The following ERAP1 variants were observed in gnomAD, a reference collection of about 807,000 sequenced individuals.
The protein encoded by ERAP1 is endoplasmic reticulum aminopeptidase 1.
In ERAP1, 86 loss-of-function variants were observed where a neutral mutation model predicts 103.7. The ratio of observed to expected loss-of-function variants is 0.83; its 90% CI spans 0.70 to 0.99. The LOEUF (loss-of-function observed/expected upper bound fraction) is 0.99, where lower values mean the gene tolerates loss of function less well. ERAP1 is among the 50% of genes least tolerant of loss of function. The pLI, the probability that ERAP1 is intolerant of heterozygous loss-of-function variation, is 0.00. For synonymous variants in ERAP1, 398 were observed against 402.4 expected (o/e 0.99, Z 0.13); for missense variants, 1,009 against 1,128.4 (o/e 0.89, Z 1.52).
At position 96,780,409 on chromosome 5, in the gene ERAP1, T is replaced by TA. The variant is rs1774989099; in HGVS notation, c.2670+13_2670+14insT. ...TTATGTTTAAAAATATATATATAGA[T>TA]TTTTTTTTTTTACCTCTTCAAGCCG... On this transcript the variant is annotated intron_variant, in intron 18 of 18. Coordinates refer to ENST00000443439, the MANE Select transcript of ERAP1 (RefSeq NM_001040458.3). 2.2e-6 allele frequency: 1 copy of TA among 447,140 alleles called. No individual in the cohort carries two copies. The highest frequency in any genetic ancestry group is 4.1e-5 in the African/African-American group (1 of 24,512). The allele number at this position is 447,140 out of a possible 1,614,324, so 27.7% of individuals were successfully genotyped here.
chr5:96,879,734 A>G, the ERAP1 span: 1 of 1,614,184 alleles, frequency 6.2e-7, no homozygotes, highest in Non-Finnish European at 8.5e-7. Flanking sequence ...ACCAATGTTT[A>G]ACATTCACAG....
At chr5:96,841,283 C>T in the ERAP1 span, among the ~76,000 whole-genome samples, 1 of 152,152 alleles carries the variant, frequency 6.6e-6, no homozygotes, top group Non-Finnish European at 1.5e-5. Context: ...TCTGGGTTGG[C>T]GGTATCTGTA....
the ERAP1 span, among the ~76,000 whole-genome samples, chr5:96,841,105 A>T: frequency 4.9e-4 from 75 of 152,344 alleles, no homozygotes; most frequent in Non-Finnish European, 7.8e-4. Context: ...GGCTGGGTAC[A>T]TAAATTCATT....
chr5:96,905,761 G>A, the ERAP1 span, among the ~76,000 whole-genome samples: 1 of 152,002 alleles, frequency 6.6e-6, no homozygotes, highest in African/African-American at 2.4e-5. Context: ...GTGTACGCCT[G>A]TAATCCCAGC....
chr5:96,830,595 A>G, the ERAP1 span, among the ~76,000 whole-genome samples: 1 of 152,250 alleles, frequency 6.6e-6, no homozygotes, highest in African/African-American at 2.4e-5. Context: ...ATATAGATAA[A>G]TCTTGCAAAT....
intron 13 of ERAP1, chr5:96,784,929 G>C (rs141882918): frequency 6.6e-6 from 1 of 152,104 alleles, no homozygotes; most frequent in African/African-American, 2.4e-5. Flanking sequence ...TTCTACAGAG[G>C]GGAATTTTTT....
At chr5:96,885,119 C>T in the ERAP1 span, among the ~76,000 whole-genome samples, 250 of 152,312 alleles carry the variant, frequency 1.6e-3, no homozygotes, top group Non-Finnish European at 2.9e-3. Context: ...CCATAGCAAA[C>T]GCCCATTTGC....
At chr5:96,814,197 A>G in the ERAP1 span, 2 of 455,532 alleles carry the variant, frequency 4.4e-6, no homozygotes, top group South Asian at 1.6e-5. Flanking sequence ...CTCATTGACT[A>G]TCGGATTGAG....
At chr5:96,806,499 A>G (rs1324092729) in intron 1 of ERAP1, among the ~76,000 whole-genome samples, 2 of 152,226 alleles carry the variant, frequency 1.3e-5, no homozygotes, top group African/African-American at 2.4e-5. Flanking sequence ...TTCTCATTCA[A>G]GGTGGGGTAA....
chr5:96,898,995 T>G, the ERAP1 span, among the ~76,000 whole-genome samples: 15 of 152,288 alleles, frequency 9.8e-5, no homozygotes, highest in Middle Eastern at 3.4e-3. Flanking sequence ...TCATTTGGTG[T>G]GCATACTGGC....
chr5:96,885,003 C>G, the ERAP1 span, among the ~76,000 whole-genome samples: 1 of 152,156 alleles, frequency 6.6e-6, no homozygotes, highest in South Asian at 2.1e-4. Flanking sequence ...CACTAATACC[C>G]CATACACGTC....
At chr5:96,833,571 T>C in the ERAP1 span, among the ~76,000 whole-genome samples, 1 of 152,190 alleles carries the variant, frequency 6.6e-6, no homozygotes, top group Non-Finnish European at 1.5e-5. Context: ...ATCACTATTT[T>C]AGGGAGTGGG....
the ERAP1 span, among the ~76,000 whole-genome samples, chr5:96,877,135 C>T: frequency 1.3e-4 from 20 of 152,130 alleles, 1 homozygote; most frequent in South Asian, 4.2e-3. Flanking sequence ...CCACCATGCC[C>T]GGCTAATTTT....
the ERAP1 span, among the ~76,000 whole-genome samples, chr5:96,847,592 A>G: frequency 6.6e-6 from 1 of 152,200 alleles, no homozygotes; most frequent in Non-Finnish European, 1.5e-5. Flanking sequence ...GGCATAATAA[A>G]TTCAAAAAGA....
the ERAP1 span, among the ~76,000 whole-genome samples, chr5:96,929,700 G>GA: frequency 6.6e-6 from 1 of 152,010 alleles, no homozygotes; most frequent in Non-Finnish European, 1.5e-5. Context: ...ATGGGTGATG[G>GA]CCATTCATAT....
In ERAP1 at chr5:96,774,882, CGTGT is replaced by C; in HGVS notation, c.*1510_*1513del. The C allele has an allele frequency of 1.0e-6, 1 of 985,128 alleles. No homozygotes were observed. Among genetic ancestry groups the C allele is most frequent in the Non-Finnish European group, 1.2e-6 (1 of 829,746 alleles). 61.0% of individuals were successfully genotyped at this position (985,128 alleles called of 1,614,324 possible). On this transcript the variant is annotated 3_prime_UTR_variant, in exon 19 of 19. Transcript: ENST00000443439. ...ATGTCCAGAAGTCACTCTATTTTGT[CGTGT>C]ATTAGGGGAACACATTTTGACATTT...
the ERAP1 span, among the ~76,000 whole-genome samples, chr5:96,838,675 G>T: frequency 6.6e-6 from 1 of 152,078 alleles, no homozygotes; most frequent in South Asian, 2.1e-4. Context: ...TCCTCCCAAA[G>T]TCCACACATG....
At chr5:96,846,959 G>A in the ERAP1 span, among the ~76,000 whole-genome samples, 1 of 148,488 alleles carries the variant, frequency 6.7e-6, no homozygotes, top group East Asian at 1.9e-4. Flanking sequence ...TTGAGTACAG[G>A]GCCGGGTGCG....
intron 18 of ERAP1, chr5:96,776,754 C>T (rs930498936): frequency 9.0e-6 from 6 of 670,376 alleles, no homozygotes; most frequent in Admixed American, 6.5e-5. Flanking sequence ...TTTTTGTCTG[C>T]AGTTCTTTTG....
Sources: gnomAD v4.1 joint callset for allele counts (sites outside exome capture counted in the v4.1 genomes callset) on GRCh38, gnomAD v4.1.1 for gene constraint, MANE v1.5 for transcripts, NCBI Gene and HGNC (gene_info 2026-07-23, HGNC 2026-07-21) for gene names.